RIGI: variants seen among roughly 807,000 people sequenced by gnomAD.
RIGI encodes antiviral innate immune response receptor RIG-I.
chr9:32,457,364 G>C, the RIGI span: 2 of 1,613,876 alleles, frequency 1.2e-6, no homozygotes, highest in Non-Finnish European at 1.7e-6. Context: ...TTGGGATGTG[G>C]TCTACTCACA....
the RIGI span, chr9:32,487,376 A>G: frequency 4.1e-6 from 5 of 1,204,852 alleles, no homozygotes; most frequent in South Asian, 5.8e-5. Flanking sequence ...CTAAACAGAG[A>G]GAGGGTCAAA....
At chr9:32,459,774 T>A in the RIGI span, among the ~76,000 whole-genome samples, 3 of 152,184 alleles carry the variant, frequency 2.0e-5, no homozygotes, top group Non-Finnish European at 4.4e-5. Context: ...GCACTAAAGA[T>A]GTCCATAGAA....
At chr9:32,499,244 T>A in the RIGI span, among the ~76,000 whole-genome samples, 179 of 148,694 alleles carry the variant, frequency 1.2e-3, 1 homozygote, top group African/African-American at 1.3e-3. Context: ...AGACTTTTTT[T>A]AATATATTCT....
the RIGI span, among the ~76,000 whole-genome samples, chr9:32,507,418 T>C: frequency 2.6e-5 from 4 of 152,140 alleles, no homozygotes; most frequent in Non-Finnish European, 4.4e-5. Flanking sequence ...TTTATTATCA[T>C]TTATCTGACT....
chr9:32,482,864 A>AG, the RIGI span, among the ~76,000 whole-genome samples: 2 of 152,014 alleles, frequency 1.3e-5, no homozygotes, highest in Admixed American at 6.6e-5. Flanking sequence ...AAAAAAAAAA[A>AG]AAATCAAGGA....
chr9:32,499,614 C>A, the RIGI span, among the ~76,000 whole-genome samples: 1 of 151,982 alleles, frequency 6.6e-6, no homozygotes, highest in African/African-American at 2.4e-5. Flanking sequence ...CACCACCACG[C>A]CTGGCTAATT....
the RIGI span, among the ~76,000 whole-genome samples, chr9:32,505,573 T>G: frequency 6.6e-6 from 1 of 152,192 alleles, no homozygotes; most frequent in Non-Finnish European, 1.5e-5. Context: ...TTTTTTTTGT[T>G]AAATGTATGA....
chr9:32,500,705 T>TA, the RIGI span: 1 of 1,433,338 alleles, frequency 7.0e-7, no homozygotes. Context: ...AGGCATGAAC[T>TA]ATAAGTGGAT....
At chr9:32,489,420 A>C in the RIGI span, 1 of 1,613,460 alleles carries the variant, frequency 6.2e-7, no homozygotes, top group Non-Finnish European at 8.5e-7. Flanking sequence ...TTCTTGGTTT[A>C]AATGGGCTGT....
the RIGI span, chr9:32,491,412 C>A: frequency 6.2e-7 from 1 of 1,604,892 alleles, no homozygotes; most frequent in Non-Finnish European, 8.5e-7. Context: ...GTTTCAACAT[C>A]TTTTATACCT....
the RIGI span, among the ~76,000 whole-genome samples, chr9:32,474,472 T>G: frequency 6.6e-6 from 1 of 152,150 alleles, no homozygotes; most frequent in South Asian, 2.1e-4. Flanking sequence ...ATACAACAGA[T>G]GCAATGTGGC....
At chr9:32,463,303 C>G in the RIGI span, among the ~76,000 whole-genome samples, 1 of 152,092 alleles carries the variant, frequency 6.6e-6, no homozygotes, top group Non-Finnish European at 1.5e-5. Context: ...CCCATTCTTT[C>G]CTTTGGACAA....
the RIGI span, among the ~76,000 whole-genome samples, chr9:32,499,564 T>A: frequency 4.6e-5 from 7 of 152,068 alleles, no homozygotes; most frequent in Non-Finnish European, 7.4e-5. Flanking sequence ...CAAGCAATTC[T>A]CCTTCCTCAG....
chr9:32,498,335 T>G, the RIGI span: 1 of 456,692 alleles, frequency 2.2e-6, no homozygotes, highest in Non-Finnish European at 4.4e-6. Flanking sequence ...TGCTTCTACT[T>G]TCATGACTCC....
the RIGI span, chr9:32,488,225 A>G: frequency 1.2e-6 from 2 of 1,609,588 alleles, no homozygotes; most frequent in Admixed American, 1.7e-5. Context: ...CAGAAATTCC[A>G]TATTACTAAC....
chr9:32,526,041 G>A, the RIGI span: 1 of 1,582,252 alleles, frequency 6.3e-7, no homozygotes, highest in Non-Finnish European at 8.7e-7. Flanking sequence ...CGCCGAGAAG[G>A]CGCCGCTGGA....
At chr9:32,501,325 CAAA>C in the RIGI span, among the ~76,000 whole-genome samples, 17,752 of 121,880 alleles carry the variant, frequency 0.15, 996 homozygotes, top group Middle Eastern at 0.28. Context: ...CCAGCCTCTA[CAAA>C]AAAAAAAAAA....
chr9:32,485,307 G>GA, the RIGI span: 60 of 1,436,684 alleles, frequency 4.2e-5, no homozygotes, highest in Middle Eastern at 7.1e-4. Context: ...AAAAGAAAAA[G>GA]AAAAAAAGAG....
the RIGI span, among the ~76,000 whole-genome samples, chr9:32,507,232 A>G: frequency 2.8e-4 from 42 of 152,326 alleles, no homozygotes; most frequent in East Asian, 7.9e-3. Context: ...ACAAATTTGA[A>G]AATAAAACTC....
Sources: allele counts gnomAD v4.1 joint callset (sites outside exome capture counted in the v4.1 genomes callset), GRCh38; gene constraint gnomAD v4.1.1; transcripts MANE v1.5; gene names NCBI Gene and HGNC (gene_info 2026-07-23, HGNC 2026-07-21).